Variants in BTD observed in about 807,000 individuals in gnomAD.
BTD encodes biocytinase.
Under a neutral mutation model 17.7 loss-of-function variants are expected in BTD, and 13 were observed. The observed-to-expected ratio is 0.74, with a 90% CI of 0.48 to 1.17. BTD has a LOEUF of 1.17. Among genes scored for constraint, BTD ranks in the 50% most tolerant of loss-of-function variants. The pLI, the probability that BTD is intolerant of heterozygous loss-of-function variation, is 0.00. For synonymous variants in BTD, 240 were observed against 245.2 expected (o/e 0.98, Z 0.20); for missense variants, 674 against 650.4 (o/e 1.04, Z -0.39).
chr3:15,635,988 G>C lies in BTD; in HGVS notation c.249+300G>C, dbSNP rs1432239161. 1.3e-5 allele frequency among the ~76,000 whole-genome samples: 2 copies of C among 152,180 alleles called. No homozygotes were observed. The highest frequency in any genetic ancestry group is 2.9e-5 in the Non-Finnish European group (2 of 68,004). On this transcript the variant is annotated intron_variant, in intron 2 of 3. Transcript: ENST00000643237. The surrounding 1 kb of genome is among the most constrained non-coding windows in gnomAD (Gnocchi z 4.1). The stretch of plus-strand genomic sequence containing the variant: ...GGTGATGCTTTCACATGGCAAGTAT[G>C]AGAAGCCCAGGACTAGATCCCCAGT...
chr3:15,616,477 G>A lies in BTD; in HGVS notation c.-17+14583G>A, dbSNP rs146124520. Among the ~76,000 whole-genome samples the A allele has an allele frequency of 6.8e-3, 1,029 of 152,156 alleles. 9 individuals carry two copies. The highest frequency in any genetic ancestry group is 0.023 in the African/African-American group (974 of 41,508). ...CTAAAAATACAAAAATTAGCCGGTC[G>A]TGGTGGCAGGCGCCTGTAATCCCAG... On this transcript the variant is annotated intron_variant, in intron 1 of 3. Coordinates refer to ENST00000643237, the MANE Select transcript of BTD (RefSeq NM_001370658.1).
intron 3 of BTD, among the ~76,000 whole-genome samples, chr3:15,693,243 C>G (rs535017750): frequency 6.6e-6 from 1 of 151,812 alleles, no homozygotes; most frequent in Non-Finnish European, 1.5e-5. Flanking sequence ...TAAGAAGGTA[C>G]GTTTTATGCT....
At chr3:15,702,435 T>C (rs1000055938) in intron 3 of BTD, among the ~76,000 whole-genome samples, 5 of 152,186 alleles carry the variant, frequency 3.3e-5, no homozygotes, top group Admixed American at 6.5e-5. Flanking sequence ...AATTAAGAAA[T>C]GAAGATTCTC....
At chr3:15,632,902 G>A (rs1488070446) in intron 1 of BTD, 1 of 152,232 alleles carries the variant, frequency 6.6e-6, no homozygotes, top group African/African-American at 2.4e-5. Context: ...AGCAGCATTT[G>A]CTAATTTGGG....
chr3:15,628,884 C>T (rs995099303), intron 1 of BTD, among the ~76,000 whole-genome samples: 13 of 152,040 alleles, frequency 8.6e-5, no homozygotes, highest in African/African-American at 2.9e-4. Flanking sequence ...TTCAGATTAT[C>T]TAGTCTACCA....
Position 15,637,372 on chromosome 3 carries a change from C to A in BTD, c.249+1684C>A, listed in dbSNP as rs1012450902. On this transcript the variant is annotated intron_variant, in intron 2 of 3. Coordinates refer to ENST00000643237, the MANE Select transcript of BTD (RefSeq NM_001370658.1). ...CATGTCTCATTATGGGTGTATAAGG[C>A]ACTTGCTGTCAACTAAAACACCTTT... Among the ~76,000 whole-genome samples, 3 of 152,192 alleles carry A rather than the reference C, an allele frequency of 2.0e-5. No homozygotes were observed. The East Asian group carries it at 5.8e-4, about 29-fold the overall frequency.
intron 2 of BTD, among the ~76,000 whole-genome samples, chr3:15,641,662 C>T (rs2065512059): frequency 6.6e-6 from 1 of 152,122 alleles, no homozygotes; most frequent in African/African-American, 2.4e-5. Context: ...CTCACATGAC[C>T]CCAGGCACAG....
At chr3:15,632,584 G>A (rs1357325512) in intron 1 of BTD, 1 of 152,152 alleles carries the variant, frequency 6.6e-6, no homozygotes, top group Admixed American at 6.5e-5. Context: ...TTTTCTTTAT[G>A]GTCCAGGTCC....
rs554439068 is a variant in BTD at position 15,642,006 on chromosome 3, G to T, written c.348G>T (p.Gln116His). ...YPFLDFMPSP[Q>H]VVRWNPCLEP... is the part of the protein sequence containing the mutation. The stretch of plus-strand genomic sequence containing the variant: ...TTTTGGACTTCATGCCGTCTCCCCA[G>T]GTGGTCAGGTGGAACCCATGCCTGG... The change falls in exon 3 of 4, where the codon CAG (glutamine) becomes CAT (histidine). Residue 116 changes from glutamine (Q) to histidine (H), a missense_variant. By Grantham distance (24) the Gln-to-His change is conservative. Coordinates refer to ENST00000643237, the MANE Select transcript of BTD (RefSeq NM_001370658.1). 1.7e-5 allele frequency: 28 copies of T among 1,614,166 alleles called. No homozygotes were observed. In the South Asian group the frequency reaches 3.0e-4, roughly 17 times the overall value.
chr3:15,625,672 C>T (rs1392818425), intron 1 of BTD, among the ~76,000 whole-genome samples: 2 of 152,172 alleles, frequency 1.3e-5, no homozygotes, highest in Non-Finnish European at 2.9e-5. Flanking sequence ...TCTCCTGTCT[C>T]GGCCTCCCAA....
chr3:15,700,502 G>C (rs144470504), intron 3 of BTD, among the ~76,000 whole-genome samples: 1,927 of 151,946 alleles, frequency 0.013, 45 homozygotes, highest in African/African-American at 0.044. Context: ...AGGGCCGGGC[G>C]CGGTGGCTCA....
At chr3:15,637,160 C>T (rs1198530406) in intron 2 of BTD, among the ~76,000 whole-genome samples, 4 of 152,150 alleles carry the variant, frequency 2.6e-5, no homozygotes, top group Non-Finnish European at 5.9e-5. Context: ...GTCCCCCAGG[C>T]TGTATCCTCA....
intron 1 of BTD, chr3:15,602,172 A>G: frequency 7.1e-7 from 1 of 1,409,472 alleles, no homozygotes; most frequent in Non-Finnish European, 9.2e-7. Flanking sequence ...ACTTAAATCC[A>G]GAAGCAGATG....
downstream of BTD, among the ~76,000 whole-genome samples, chr3:15,657,635 T>C (rs2065883969): frequency 6.6e-6 from 1 of 152,202 alleles, no homozygotes; most frequent in Non-Finnish European, 1.5e-5. Flanking sequence ...TGCAAGTAAG[T>C]AGCCTTTCCA....
chr3:15,718,336 T>C (rs1313108517), intron 4 of BTD, among the ~76,000 whole-genome samples: 1 of 152,230 alleles, frequency 6.6e-6, no homozygotes, highest in East Asian at 1.9e-4. Flanking sequence ...AGGCTGTTGC[T>C]GTCAAATCTA....
chr3:15,610,966 A>C (rs1289888682), intron 1 of BTD, among the ~76,000 whole-genome samples: 1 of 152,180 alleles, frequency 6.6e-6, no homozygotes, highest in South Asian at 2.1e-4. Flanking sequence ...AAAAAAAAAA[A>C]AAAACAGGAC....
chr3:15,671,933 T>C (rs1452303756), intron 3 of BTD, among the ~76,000 whole-genome samples: 1 of 152,170 alleles, frequency 6.6e-6, no homozygotes, highest in Non-Finnish European at 1.5e-5. Context: ...TCATGTAGTA[T>C]GTATTATTTC....
intron 3 of BTD, among the ~76,000 whole-genome samples, chr3:15,689,423 T>C: frequency 6.6e-6 from 1 of 152,166 alleles, no homozygotes; most frequent in East Asian, 1.9e-4. Flanking sequence ...ATGAATCCAC[T>C]GCCACTGCCC....
chr3:15,631,115 T>G (rs1233708359), intron 1 of BTD, among the ~76,000 whole-genome samples: 1 of 152,230 alleles, frequency 6.6e-6, no homozygotes, highest in African/African-American at 2.4e-5. Flanking sequence ...GAGAATAATT[T>G]AAAGACTGTT....
Sources: allele counts gnomAD v4.1 joint callset (sites outside exome capture counted in the v4.1 genomes callset), GRCh38; gene constraint gnomAD v4.1.1; non-coding constraint Gnocchi (gnomAD v3.1); transcripts MANE v1.5; gene names NCBI Gene and HGNC (gene_info 2026-07-23, HGNC 2026-07-21).